PPP3CA: variants seen among roughly 807,000 people sequenced by gnomAD.
The protein encoded by PPP3CA is CAM-PRP catalytic subunit.
A neutral mutation model predicts 66.5 loss-of-function variants in PPP3CA; 14 were observed. The observed-to-expected ratio is 0.21, with a 90% CI of 0.14 to 0.33. The LOEUF is 0.33. Ranked by LOEUF, PPP3CA falls within the 10% of genes least tolerant of loss-of-function variation. The pLI, the probability that PPP3CA is intolerant of heterozygous loss-of-function variation, is 1.00. For synonymous variants in PPP3CA, 232 were observed against 226.2 expected, an observed-to-expected ratio of 1.03 and a Z score of -0.23; for missense variants, 317 against 639.5, an observed-to-expected ratio of 0.50 and a Z score of 5.44.
At chr4:101,052,472 T>C (rs1728053185) in intron 10 of PPP3CA, among the ~76,000 whole-genome samples, 1 of 152,010 alleles carries the variant, frequency 6.6e-6, no homozygotes, top group South Asian at 2.1e-4. Context: ...AAGGGTATAT[T>C]CTGTACTTTA....
At chr4:101,204,131 G>A (rs192930179) in intron 1 of PPP3CA, among the ~76,000 whole-genome samples, 423 of 152,074 alleles carry the variant, frequency 2.8e-3, no homozygotes, top group Non-Finnish European at 4.6e-3. Flanking sequence ...TCAGTCTCCT[G>A]AGTAGCTGGG....
intron 2 of PPP3CA, among the ~76,000 whole-genome samples, chr4:101,116,850 CTG>C (rs1289982668): frequency 1.3e-5 from 2 of 151,710 alleles, no homozygotes; most frequent in Non-Finnish European, 3.0e-5. Context: ...AAAAAACAAA[CTG>C]TGAATTATTA....
intron 6 of PPP3CA, among the ~76,000 whole-genome samples, chr4:101,084,643 CAA>C (rs1206180027): frequency 3.5e-5 from 4 of 114,378 alleles, no homozygotes; most frequent in Admixed American, 9.1e-5. Context: ...AACTCCATCT[CAA>C]AAAAAAAAAA....
intron 1 of PPP3CA, among the ~76,000 whole-genome samples, chr4:101,234,241 A>G (rs1560672495): frequency 6.6e-6 from 1 of 151,886 alleles, no homozygotes; most frequent in Non-Finnish European, 1.5e-5. Flanking sequence ...AATAATATCT[A>G]TTCCTTTGGG....
chr4:101,031,932 A>AAAG (rs1238215574), intron 12 of PPP3CA, among the ~76,000 whole-genome samples: 5 of 152,232 alleles, frequency 3.3e-5, no homozygotes, highest in African/African-American at 1.2e-4. Flanking sequence ...ATGTGATTAA[A>AAAG]AAGTTGTTTT....
chr4:101,168,000 AG>A (rs1723747022), intron 2 of PPP3CA, among the ~76,000 whole-genome samples: 1 of 152,170 alleles, frequency 6.6e-6, no homozygotes, highest in South Asian at 2.1e-4. Flanking sequence ...TGTGAGCAGA[AG>A]GGCTGTATGG....
chr4:101,220,147 AT>A (rs1424825387), intron 1 of PPP3CA, among the ~76,000 whole-genome samples: 1 of 151,792 alleles, frequency 6.6e-6, no homozygotes, highest in Non-Finnish European at 1.5e-5. Context: ...ACATACGAAT[AT>A]TTTCATATAA....
intron 2 of PPP3CA, among the ~76,000 whole-genome samples, chr4:101,138,641 T>C (rs1217101115): frequency 6.6e-6 from 1 of 152,210 alleles, no homozygotes; most frequent in Non-Finnish European, 1.5e-5. Flanking sequence ...GTTTCAGAAT[T>C]TGGAGCCTTT....
At chr4:101,309,711 G>A (rs1728664101) in intron 1 of PPP3CA, among the ~76,000 whole-genome samples, 1 of 152,212 alleles carries the variant, frequency 6.6e-6, no homozygotes, top group South Asian at 2.1e-4. Context: ...CACATGTTGT[G>A]TTGGTTGATT....
At chr4:101,288,297 C>T (rs1727907327) in intron 1 of PPP3CA, among the ~76,000 whole-genome samples, 1 of 152,118 alleles carries the variant, frequency 6.6e-6, no homozygotes, top group Non-Finnish European at 1.5e-5. Flanking sequence ...AGGTGAAGGA[C>T]ATTAATCTAC....
intron 1 of PPP3CA, among the ~76,000 whole-genome samples, chr4:101,238,669 G>A (rs970740453): frequency 6.6e-6 from 1 of 151,942 alleles, no homozygotes; most frequent in South Asian, 2.1e-4. Context: ...AAAAATCATC[G>A]TTTTTCTACT....
chr4:101,157,219 T>G (rs554768521), intron 2 of PPP3CA, among the ~76,000 whole-genome samples: 8 of 152,326 alleles, frequency 5.3e-5, no homozygotes, highest in Non-Finnish European at 8.8e-5. Flanking sequence ...TGTTTCTGTA[T>G]GCAAAGTACC....
chr4:101,028,365 A>C (rs941019562), intron 13 of PPP3CA, among the ~76,000 whole-genome samples: 1 of 152,180 alleles, frequency 6.6e-6, no homozygotes, highest in Non-Finnish European at 1.5e-5. Context: ...GTAAAAAGCA[A>C]ATACTAAAGG....
At chr4:101,222,672 G>T (rs779833532) in intron 1 of PPP3CA, among the ~76,000 whole-genome samples, 2 of 151,658 alleles carry the variant, frequency 1.3e-5, no homozygotes, top group Non-Finnish European at 3.0e-5. Flanking sequence ...ATGAAAATGT[G>T]TTTCATAAAA....
At chr4:101,277,434 G>A (rs13115148) in intron 1 of PPP3CA, among the ~76,000 whole-genome samples, 100,259 of 152,042 alleles carry the variant, frequency 0.66, 34,044 homozygotes, top group Non-Finnish European at 0.75. Flanking sequence ...TAAAAATTTA[G>A]TAACAAAGTT....
chr4:101,312,658 G>A (rs1386655135), intron 1 of PPP3CA, among the ~76,000 whole-genome samples: 1 of 151,952 alleles, frequency 6.6e-6, no homozygotes, highest in East Asian at 1.9e-4. Flanking sequence ...AATGTGGTCT[G>A]AAAAAATTAA....
intron 1 of PPP3CA, among the ~76,000 whole-genome samples, chr4:101,343,133 GC>G (rs1360421116): frequency 6.6e-6 from 1 of 152,076 alleles, no homozygotes; most frequent in Admixed American, 6.6e-5. Context: ...TCCCTCAACA[GC>G]CTCCCATAGT....
chr4:101,217,414 T>C (rs1725491850), intron 1 of PPP3CA, among the ~76,000 whole-genome samples: 2 of 152,262 alleles, frequency 1.3e-5, no homozygotes, highest in African/African-American at 4.8e-5. Context: ...ACTAGTATTC[T>C]AAAATAACTT....
intron 5 of PPP3CA, among the ~76,000 whole-genome samples, chr4:101,097,407 T>G (rs1272880723): frequency 1.3e-5 from 2 of 152,018 alleles, no homozygotes; most frequent in African/African-American, 4.8e-5. Context: ...TTATAATTCC[T>G]CCAGAAAAAA....
Sources: allele counts gnomAD v4.1 joint callset (sites outside exome capture counted in the v4.1 genomes callset), GRCh38; gene constraint gnomAD v4.1.1; transcripts MANE v1.5; gene names NCBI Gene and HGNC (gene_info 2026-07-23, HGNC 2026-07-21).